The following NBEAL2 variants were observed in gnomAD, a reference collection of about 807,000 sequenced individuals.
The protein encoded by NBEAL2 is neurobeachin-like protein 2.
Under a neutral mutation model 299.8 loss-of-function variants are expected in NBEAL2, and 160 were observed. The observed-to-expected ratio is 0.53, with a 90% CI of 0.47 to 0.61. NBEAL2 has a LOEUF of 0.61. NBEAL2 is among the 20% of genes least tolerant of loss of function. The pLI, the probability that NBEAL2 is intolerant of heterozygous loss-of-function variation, is 0.00. For missense variants in NBEAL2, 3,112 were observed against 3,649.0 expected, an observed-to-expected ratio of 0.85 and a Z score of 3.79; for synonymous variants, 1,493 against 1,542.3, an observed-to-expected ratio of 0.97 and a Z score of 0.75.
Position 47,004,425 on chromosome 3 carries a change from C to T in NBEAL2, c.6198+32C>T, listed in dbSNP as rs200077142. On this transcript the variant is annotated intron_variant, in intron 37 of 53. Coordinates refer to ENST00000450053, the MANE Select transcript of NBEAL2 (RefSeq NM_015175.3). This position sits in a 1 kb window ranked among gnomAD's most constrained non-coding sequence, Gnocchi z 5.0. ...GCCCTGGGTGTGAGGGATGTGAAGT[C>T]GGGACCCTGAATCACGGGGCAGTGC... 6.3e-5 allele frequency: 101 copies of T among 1,591,946 alleles called. No individual in the cohort carries two copies. Among genetic ancestry groups the T allele is most frequent in the African/African-American group, 8.0e-5 (6 of 74,780 alleles).
chr3:47,006,945 C>A, intron 45 of NBEAL2, 121 bp from the exon 46 acceptor site: 1 of 785,422 alleles, frequency 1.3e-6, no homozygotes, highest in Non-Finnish European at 2.0e-6. Context: ...ACCTCTGCAT[C>A]TGTGACACCT....
Position 47,005,863 on chromosome 3 carries a change from C to T in NBEAL2, c.6801+16C>T. On this transcript the variant is annotated intron_variant, in intron 42 of 53. Coordinates refer to ENST00000450053, the MANE Select transcript of NBEAL2 (RefSeq NM_015175.3). ...CCAGGCTCTGGTGAGGAAGGAACCA[C>T]AGGCAAACGGCAGGCAGCCGGGGTT... 4 of 1,613,104 alleles carry T rather than the reference C, an allele frequency of 2.5e-6. No homozygotes were observed. The highest frequency in any genetic ancestry group is 3.4e-6 in the Non-Finnish European group (4 of 1,179,526).
chr3:47,008,901 CAGAG>C lies in NBEAL2; in HGVS notation c.8028-85_8028-82del, dbSNP rs2037664320. On this transcript the variant is annotated intron_variant, in intron 52 of 53. Coordinates refer to ENST00000450053, the MANE Select transcript of NBEAL2 (RefSeq NM_015175.3). Reference sequence around the variant, plus strand: ...AATTTAACCATCCTTAAAATGAGGACAGAGAGGGTATATGGGATAAGGGATATCT... The same window carrying C: ...AATTTAACCATCCTTAAAATGAGGACAGGGTATATGGGATAAGGGATATCT... 23 of 1,551,400 alleles carry C rather than the reference CAGAG, an allele frequency of 1.5e-5. No homozygotes were observed. In the South Asian group the frequency reaches 2.6e-4, roughly 17 times the overall value.
In NBEAL2 at chr3:46,996,645, C is replaced by CG. The variant is rs1553660528; in HGVS notation, c.2473+59dup. ...AGCCCCAGGCCAGAAGCTAGGGGTC[C>CG]GGGGGGAGAAGGCATCTCTGGGGGT... On this transcript the variant is annotated intron_variant, in intron 16 of 53. Coordinates refer to ENST00000450053, the MANE Select transcript of NBEAL2 (RefSeq NM_015175.3). 135 of 1,520,616 alleles carry CG rather than the reference C, an allele frequency of 8.9e-5. 1 individual carries two copies. The highest frequency in any genetic ancestry group is 5.2e-4 in the South Asian group (40 of 77,450). 94.2% of individuals were successfully genotyped at this position (1,520,616 alleles called of 1,614,324 possible).
chr3:47,008,735 T>C, intron 52 of NBEAL2, 67 bp downstream of exon 52: 1 of 1,593,554 alleles, frequency 6.3e-7, no homozygotes, highest in Middle Eastern at 1.7e-4. Flanking sequence ...ATAAAGGCCC[T>C]AGGAACCCAC....
In NBEAL2 at chr3:46,995,607, ACCACT is replaced by A. The variant is rs756378815; in HGVS notation, c.1876_1880del (p.Leu626AlafsTer16). On this transcript the variant is annotated frameshift_variant, in exon 13 of 54. Transcript: ENST00000450053. LOFTEE classifies it high-confidence loss of function. ...CAGCACCTACCCCTGCCCCCACCCG[ACCACT>A]CCAGCGAAAGCAGCTGTACAGGTGG... is the stretch of plus-strand genomic sequence containing the variant. 1 of 1,611,582 alleles carries A rather than the reference ACCACT, an allele frequency of 6.2e-7. No individual in the cohort carries two copies. Among genetic ancestry groups the A allele is most frequent in the Non-Finnish European group, 8.5e-7 (1 of 1,179,002 alleles).
In NBEAL2 at chr3:46,988,076, AG is replaced by A; in HGVS notation, c.52-591del. The A allele has an allele frequency of 8.1e-7, 1 of 1,232,980 alleles. No homozygotes were observed. The highest frequency in any genetic ancestry group is 1.0e-6 in the Non-Finnish European group (1 of 962,450). The allele number at this position is 1,232,980 out of a possible 1,614,324, so 76.4% of individuals were successfully genotyped here. A position where few individuals can be genotyped will look rare whatever the true frequency, so the allele number is the denominator to read the frequency against. ...GAACCAGCTCTGGGGCCTGGGGTCC[AG>A]GTAACCAGCAAGGGTGGGTGGAGGT... is the stretch of plus-strand genomic sequence containing the variant. On this transcript the variant is annotated intron_variant, in intron 1 of 53. Coordinates refer to ENST00000450053, the MANE Select transcript of NBEAL2 (RefSeq NM_015175.3). The surrounding 1 kb of genome is among the most constrained non-coding windows in gnomAD (Gnocchi z 4.4).
chr3:47,008,361 G>A lies in NBEAL2; in HGVS notation c.7798G>A (p.Gly2600Arg). Reference protein sequence around the residue: ...ALRPLGATFPGPIFHLALGSE... With the variant: ...ALRPLGATFPRPIFHLALGSE... Reference sequence around the variant, plus strand: ...ACGGCCTCTGGGTGCCACATTCCCTGGACCTATTTTCCACCTGGCATTGGG... The same window carrying A: ...ACGGCCTCTGGGTGCCACATTCCCTAGACCTATTTTCCACCTGGCATTGGG... Residue 2600 changes from glycine (G) to arginine (R), a missense_variant, in exon 51 of 54, where the codon GGA (glycine) becomes AGA (arginine). Physicochemically the swap from Gly to Arg is moderately radical, Grantham distance 125. Around this residue, in one of 3 missense-constraint regions of NBEAL2, gnomAD observed 348 missense variants for 381.4 expected, o/e 0.91. Coordinates refer to ENST00000450053, the MANE Select transcript of NBEAL2 (RefSeq NM_015175.3). 1 of 1,613,770 alleles carries A rather than the reference G, an allele frequency of 6.2e-7. No homozygotes were observed. The highest frequency in any genetic ancestry group is 8.5e-7 in the Non-Finnish European group (1 of 1,179,774).
At chr3:46,979,974 C>G (rs2035197605) in intron 1 of NBEAL2, 62 bp downstream of exon 1, 2 of 239,096 alleles carry the variant, frequency 8.4e-6, no homozygotes, top group South Asian at 1.6e-4. Flanking sequence ...TCGCGCGCCC[C>G]GCGCCTGCTG....
chr3:46,987,655 C>T (rs745941715), intron 1 of NBEAL2, among the ~76,000 whole-genome samples: 5 of 152,166 alleles, frequency 3.3e-5, no homozygotes, highest in African/African-American at 1.2e-4. Flanking sequence ...AGGCCTTGCG[C>T]GCAGGTCAGG....
In NBEAL2 at chr3:46,995,377, G is replaced by T. The variant is rs1436759678; in HGVS notation, c.1642G>T (p.Gly548Cys). 1.9e-6 allele frequency: 3 copies of T among 1,612,424 alleles called. No homozygotes were observed. The highest frequency in any genetic ancestry group is 2.7e-5 in the African/African-American group (2 of 74,936). Residue 548 changes from glycine to cysteine, a missense_variant, in exon 13 of 54, where the codon GGC (glycine) becomes TGC (cysteine). Gly to Cys is a radical substitution (Grantham distance 159, BLOSUM62 -3). Transcript: ENST00000450053. ...CCGGCCAGGATTGGACTCGGAACCA[G>T]GCGGAGCTGAGGCTGGAAAGGCCCG... ...RPRPGLDSEP[G>C]GAEAGKARHA...
Position 46,998,145 on chromosome 3 carries a change from G to T in NBEAL2, c.3037G>T (p.Gly1013Trp). ...GGAGCAGGTGGCAGCTGAGGGCAGC[G>T]GGCCCCTCCTGTACCTACTCTACCA... ...LMEQVAAEGS[G>W]PLLYLLYQHL... Residue 1013 changes from glycine (G) to tryptophan (W), a missense_variant, in exon 21 of 54, where the codon GGG becomes TGG. By Grantham distance (184) the Gly-to-Trp change is radical. This residue lies in a region of NBEAL2 where 2,243 missense variants were observed against 2,538.1 expected (regional missense o/e 0.88). Transcript: ENST00000450053. 1 of 1,600,698 alleles carries T rather than the reference G, an allele frequency of 6.2e-7. No homozygotes were observed. Among genetic ancestry groups the T allele is most frequent in the East Asian group, 2.3e-5 (1 of 44,244 alleles).
chr3:47,009,284 G>A lies in NBEAL2; in HGVS notation c.8229G>A (p.Ser2743=), dbSNP rs766183910. 1 of 1,601,628 alleles carries A rather than the reference G, an allele frequency of 6.2e-7. No individual in the cohort carries two copies. The highest frequency in any genetic ancestry group is 1.1e-5 in the South Asian group (1 of 88,658). Residue 2743 remains serine (S), a synonymous_variant, in exon 54 of 54, where the codon TCG becomes TCA. Coordinates refer to ENST00000450053, the MANE Select transcript of NBEAL2 (RefSeq NM_015175.3). ...CGCGGCGCATCTCCCAGGTGTCCTCGGGAGAGACGGAATACAACCCTACTG... is the reference window on the plus strand; with the variant it reads ...CGCGGCGCATCTCCCAGGTGTCCTCAGGAGAGACGGAATACAACCCTACTG... ...RSSRRISQVS[S]GETEYNPTEA...
chr3:47,004,949 C>T lies in NBEAL2; in HGVS notation c.6295-23C>T. On this transcript the variant is annotated intron_variant, in intron 38 of 53. Transcript: ENST00000450053. This position sits in a 1 kb window ranked among gnomAD's most constrained non-coding sequence, Gnocchi z 5.0. ...GTAGGCCATCAGGGCCCTCATGCAG[C>T]CCCTGCTCGGGTGGGTGGCCAGTTC... 1 of 1,592,808 alleles carries T rather than the reference C, an allele frequency of 6.3e-7. No homozygotes were observed.
rs773229347 is a variant in NBEAL2 at position 46,989,247 on chromosome 3, C to T, written c.352-13C>T. The T allele has an allele frequency of 2.5e-6, 4 of 1,612,222 alleles. No individual in the cohort carries two copies. The highest frequency in any genetic ancestry group is 3.4e-6 in the Non-Finnish European group (4 of 1,179,136). ...GCCATGGCGGGGCTAACCCTCTCTC[C>T]CCACACCTACAGCTGAAAGGATGCC... On this transcript the variant is annotated splice_polypyrimidine_tract_variant and intron_variant, in intron 4 of 53. Coordinates refer to ENST00000450053, the MANE Select transcript of NBEAL2 (RefSeq NM_015175.3). This position sits in a 1 kb window ranked among gnomAD's most constrained non-coding sequence, Gnocchi z 5.5.
Position 46,989,354 on chromosome 3 carries a change from ACCAAAC to A in NBEAL2, c.448_453del (p.Gln150_Thr151del). The A allele has an allele frequency of 6.3e-7, 1 of 1,584,332 alleles. No homozygotes were observed. The highest frequency in any genetic ancestry group is 8.6e-7 in the Non-Finnish European group (1 of 1,165,430). On this transcript the variant is annotated inframe_deletion, in exon 5 of 54. Transcript: ENST00000450053. This position sits in a 1 kb window ranked among gnomAD's most constrained non-coding sequence, Gnocchi z 5.5. ...CTCTGCGAGGGCCTCTTTGACCCTT[ACCAAAC>A]CTGGCGGCGCCAGCGCAGTGGGTGA...
chr3:47,002,453 A>C lies in NBEAL2; in HGVS notation c.5234A>C (p.Tyr1745Ser), dbSNP rs778092109. The C allele has an allele frequency of 6.2e-7, 1 of 1,613,342 alleles. No individual in the cohort carries two copies. The highest frequency in any genetic ancestry group is 8.5e-7 in the Non-Finnish European group (1 of 1,179,900). The change falls in exon 32 of 54, where the codon TAT becomes TCT. Residue 1745 changes from tyrosine (Y) to serine (S), a missense_variant. Tyr to Ser is a moderately radical substitution (Grantham distance 144). Coordinates refer to ENST00000450053, the MANE Select transcript of NBEAL2 (RefSeq NM_015175.3). ...ATGTCAGGTTTCTGGAATGCCTGCT[A>C]TGACATGCTTATGAGCAGTGGGCAG... ...DLMSGFWNAC[Y>S]DMLMSSGQRR...
chr3:46,985,331 C>T (rs2035608137), intron 1 of NBEAL2, among the ~76,000 whole-genome samples: 1 of 152,190 alleles, frequency 6.6e-6, no homozygotes, highest in Non-Finnish European at 1.5e-5. Context: ...GTGCAATGGC[C>T]TTGGGGTACG....
chr3:47,002,857 G>T, intron 33 of NBEAL2, 55 bp downstream of exon 33: 12 of 1,484,984 alleles, frequency 8.1e-6, no homozygotes, highest in Non-Finnish European at 1.0e-5. Context: ...GGGAGGGAGG[G>T]AGCCACCTGG....
Sources: gnomAD v4.1 joint callset for allele counts (sites outside exome capture counted in the v4.1 genomes callset) on GRCh38, gnomAD v4.1.1 for gene constraint, gnomAD v4.1.1 regional missense constraint, Gnocchi (gnomAD v3.1) non-coding constraint, MANE v1.5 for transcripts, NCBI Gene and HGNC (gene_info 2026-07-23, HGNC 2026-07-21) for gene names.